The following CHRNB3 variants were observed in gnomAD, a reference collection of about 807,000 sequenced individuals.
CHRNB3 encodes the protein neuronal acetylcholine receptor subunit beta-3.
A neutral mutation model predicts 40.6 loss-of-function variants in CHRNB3; 37 were observed. That is an observed-to-expected ratio of 0.91 (90% CI 0.70 to 1.20). CHRNB3 has a LOEUF of 1.20. Ranked by LOEUF, CHRNB3 falls within the 50% of genes most tolerant of loss-of-function variation. The pLI is 0.00. For missense variants in CHRNB3, 505 were observed against 551.2 expected, an observed-to-expected ratio of 0.92 and a Z score of 0.84; for synonymous variants, 207 against 207.1, an observed-to-expected ratio of 1.00 and a Z score of 0.00.
chr8:42,730,573 C>A, intron 3 of CHRNB3, 21 bp from the exon 4 acceptor site: 1 of 1,402,054 alleles, frequency 7.1e-7, no homozygotes, highest in Non-Finnish European at 9.9e-7. Flanking sequence ...AATAAAATCA[C>A]AGTGTACTAA....
intron 4 of CHRNB3, among the ~76,000 whole-genome samples, chr8:42,731,296 C>T (rs1194025417): frequency 6.6e-6 from 1 of 152,100 alleles, no homozygotes; most frequent in Non-Finnish European, 1.5e-5. Context: ...TGGCTCATGC[C>T]TGTAATCCCA....
intron 3 of CHRNB3, among the ~76,000 whole-genome samples, chr8:42,724,096 GA>G (rs1363652983): frequency 2.2e-5 from 3 of 134,816 alleles, no homozygotes; most frequent in Non-Finnish European, 4.8e-5. Context: ...CAAAAAAAAA[GA>G]AAAAGAAAAG....
rs73633757 is a variant in CHRNB3, at chr8:42,737,246, A to T, written c.*628A>T. The T allele has an allele frequency of 0.028, 4,261 of 152,372 alleles. 203 individuals are homozygous for T. Among genetic ancestry groups the T allele is most frequent in the African/African-American group, 0.099 (4,091 of 41,526 alleles). The allele number at this position is 152,372 out of a possible 1,614,324, so 9.4% of individuals were successfully genotyped here. A position where few individuals can be genotyped will look rare whatever the true frequency, so the allele number is the denominator to read the frequency against. On this transcript the variant is annotated 3_prime_UTR_variant, in exon 6 of 6. Coordinates refer to ENST00000289957, the MANE Select transcript of CHRNB3 (RefSeq NM_000749.5). ...GTGTTATTCATGGTTTATTCCCAGCATGATAAGGCTTTCAGATGGTGAAAC... is the reference window on the plus strand; with the variant it reads ...GTGTTATTCATGGTTTATTCCCAGCTTGATAAGGCTTTCAGATGGTGAAAC...
Position 42,736,710 on chromosome 8 carries a change from A to T in CHRNB3, c.*92A>T. On this transcript the variant is annotated 3_prime_UTR_variant, in exon 6 of 6. Transcript: ENST00000289957. ...CCAAATGCATGTGCTTGTTCTACGA[A>T]CCCCGAATGCGTTGTCTTTGTGGAA... 7.0e-7 allele frequency: 1 copy of T among 1,427,298 alleles called. No homozygotes were observed. Among genetic ancestry groups the T allele is most frequent in the Non-Finnish European group, 9.8e-7 (1 of 1,023,876 alleles). The allele number at this position is 1,427,298 out of a possible 1,614,324, so 88.4% of individuals were successfully genotyped here. A position where few individuals can be genotyped will look rare whatever the true frequency, so the allele number is the denominator to read the frequency against.
At chr8:42,710,146 T>C (rs1279021575) in intron 2 of CHRNB3, among the ~76,000 whole-genome samples, 1 of 151,966 alleles carries the variant, frequency 6.6e-6, no homozygotes, top group Admixed American at 6.6e-5. Context: ...TTCAGATAGA[T>C]TTTTCTGATC....
At chr8:42,736,071 G>A (rs746577227) in intron 5 of CHRNB3, among the ~76,000 whole-genome samples, 1 of 152,044 alleles carries the variant, frequency 6.6e-6, no homozygotes, top group Non-Finnish European at 1.5e-5. Context: ...TCACCATGTT[G>A]GCCAGCTCGT....
At chr8:42,732,899 A>G (rs1816454638) in intron 5 of CHRNB3, among the ~76,000 whole-genome samples, 1 of 152,194 alleles carries the variant, frequency 6.6e-6, no homozygotes, top group Non-Finnish European at 1.5e-5. Flanking sequence ...TCATTGGATG[A>G]TAAATATGTT....
At chr8:42,712,492 G>A (rs1586397260) in intron 3 of CHRNB3, among the ~76,000 whole-genome samples, 1 of 152,034 alleles carries the variant, frequency 6.6e-6, no homozygotes, top group South Asian at 2.1e-4. Flanking sequence ...GATTTTCAGT[G>A]CTTTCTACTT....
intron 3 of CHRNB3, among the ~76,000 whole-genome samples, chr8:42,725,089 CTTTTTTTTT>C (rs572194650): frequency 7.3e-6 from 1 of 136,494 alleles, no homozygotes; most frequent in Non-Finnish European, 1.6e-5. Context: ...TTCTTTCTTT[CTTTTTTTTT>C]TTTTTTTTGA....
intron 1 of CHRNB3, among the ~76,000 whole-genome samples, 167 bp downstream of exon 1, chr8:42,697,765 G>T (rs1530848): frequency 0.61 from 92,791 of 151,730 alleles, 32,881 homozygotes; most frequent in East Asian, 0.8. Context: ...GAGATGTGGG[G>T]TTTTTTTTGC....
intron 1 of CHRNB3, among the ~76,000 whole-genome samples, chr8:42,702,700 T>G (rs1270844811): frequency 1.3e-5 from 2 of 152,042 alleles, no homozygotes; most frequent in African/African-American, 4.8e-5. Flanking sequence ...GAAGCAGAGG[T>G]TGCAGTGAAC....
At chr8:42,725,924 C>T (rs755685968) in intron 3 of CHRNB3, 7 of 878,658 alleles carry the variant, frequency 8.0e-6, no homozygotes, top group Non-Finnish European at 1.1e-5. Flanking sequence ...GTTCTCTGCA[C>T]CAGTAAACTC....
At chr8:42,725,602 A>G (rs1289695038) in intron 3 of CHRNB3, 2 of 1,142,904 alleles carry the variant, frequency 1.7e-6, no homozygotes, top group Admixed American at 3.6e-5. Context: ...AGGTATGCCC[A>G]TCTCCTTGAG....
chr8:42,706,506 G>A (rs539272725), intron 1 of CHRNB3, among the ~76,000 whole-genome samples: 15 of 152,216 alleles, frequency 9.9e-5, no homozygotes, highest in African/African-American at 1.7e-4. Flanking sequence ...GCGTGGCCCC[G>A]GTGGAGACAG....
chr8:42,735,080 C>T (rs1470958662), intron 5 of CHRNB3, among the ~76,000 whole-genome samples: 5 of 151,466 alleles, frequency 3.3e-5, no homozygotes, highest in Admixed American at 6.6e-5. Context: ...ATTAGCCGGG[C>T]GTGGTGGCCG....
At chr8:42,718,266 C>T (rs1030775088) in intron 3 of CHRNB3, among the ~76,000 whole-genome samples, 5 of 152,110 alleles carry the variant, frequency 3.3e-5, no homozygotes, top group Non-Finnish European at 7.3e-5. Flanking sequence ...AAGAATTTCA[C>T]ATCTAAGATG....
chr8:42,710,495 G>C (rs138880882), intron 3 of CHRNB3, 61 bp downstream of exon 3: 2 of 1,306,094 alleles, frequency 1.5e-6, no homozygotes, highest in East Asian at 2.3e-5. Context: ...ATTTATAAAG[G>C]CTCCTATCTG....
At chr8:42,697,675 T>C (rs1815700484) in intron 1 of CHRNB3, 77 bp downstream of exon 1, 1 of 1,090,704 alleles carries the variant, frequency 9.2e-7, no homozygotes, top group South Asian at 1.3e-5. Context: ...ATGGTGTTGA[T>C]AATGTTAGAA....
intron 3 of CHRNB3, 44 bp from the exon 4 acceptor site, chr8:42,730,550 A>G (rs1325774853): frequency 3.3e-6 from 4 of 1,212,896 alleles, no homozygotes; most frequent in East Asian, 4.9e-5. Flanking sequence ...GATCTAATAC[A>G]TTGAACTTTC....
Sources: gnomAD v4.1 joint callset for allele counts (sites outside exome capture counted in the v4.1 genomes callset) on GRCh38, gnomAD v4.1.1 for gene constraint, MANE v1.5 for transcripts, NCBI Gene and HGNC (gene_info 2026-07-23, HGNC 2026-07-21) for gene names.